The following ADCK1 variants were observed in gnomAD, a reference collection of about 807,000 sequenced individuals.
The protein encoded by ADCK1 is aarF domain-containing protein kinase 1.
A neutral mutation model predicts 52.3 loss-of-function variants in ADCK1; 41 were observed. The observed-to-expected ratio is 0.78, with a 90% confidence interval of 0.61 to 1.02. ADCK1 has a LOEUF of 1.02. Ranked by LOEUF, ADCK1 falls within the 50% of genes least tolerant of loss-of-function variation. The pLI is 0.00. For synonymous variants in ADCK1, 250 were observed against 274.6 expected (o/e 0.91, Z 0.89); for missense variants, 658 against 679.5 (o/e 0.97, Z 0.35).
chr14:77,872,386 G>A (rs544176635), intron 4 of ADCK1, among the ~76,000 whole-genome samples: 3 of 152,304 alleles, frequency 2.0e-5, no homozygotes, highest in African/African-American at 7.2e-5. Flanking sequence ...GAGGTTGGGC[G>A]GGGCCAGCAC....
intron 3 of ADCK1, among the ~76,000 whole-genome samples, chr14:77,824,809 A>T (rs1047736705): frequency 6.6e-6 from 1 of 152,308 alleles, no homozygotes; most frequent in South Asian, 2.1e-4. Context: ...ATTAAGGTTG[A>T]CATTTTCTAC....
At chr14:77,814,658 A>T (rs2081404496) in intron 1 of ADCK1, among the ~76,000 whole-genome samples, 1 of 135,310 alleles carries the variant, frequency 7.4e-6, no homozygotes, top group South Asian at 2.4e-4. Context: ...AGATTGTGCC[A>T]TTGCATTCCA....
At chr14:77,807,715 G>A (rs1255082659) in intron 1 of ADCK1, among the ~76,000 whole-genome samples, 1 of 151,686 alleles carries the variant, frequency 6.6e-6, no homozygotes, top group Non-Finnish European at 1.5e-5. Context: ...CTCCATGTTG[G>A]TCAGGCTGGT....
intron 1 of ADCK1, among the ~76,000 whole-genome samples, chr14:77,803,015 C>A (rs1332142515): frequency 6.6e-6 from 1 of 152,152 alleles, no homozygotes; most frequent in Non-Finnish European, 1.5e-5. Context: ...GGAGGGCAGA[C>A]TGTAAACCTG....
At chr14:77,852,652 AATAAATAAATAT>A (rs1317032677) in intron 3 of ADCK1, among the ~76,000 whole-genome samples, 1,117 of 32,500 alleles carry the variant, frequency 0.034, 26 homozygotes, top group Non-Finnish European at 0.041. Context: ...TATTTCTTTA[AATAAATAAATAT>A]ATATATATAT....
chr14:77,815,816 T>C (rs965891122), intron 1 of ADCK1, among the ~76,000 whole-genome samples: 5 of 98,788 alleles, frequency 5.1e-5, no homozygotes, highest in Admixed American at 1.9e-4. Context: ...CGCACCTGGC[T>C]TTTTTTTTTT....
chr14:77,904,768 G>T (rs1176269089), intron 6 of ADCK1, among the ~76,000 whole-genome samples: 1 of 152,198 alleles, frequency 6.6e-6, no homozygotes, highest in Non-Finnish European at 1.5e-5. Flanking sequence ...GTCAGGGTGT[G>T]ACCCTGCTGG....
At chr14:77,858,394 G>T (rs532307096) in intron 3 of ADCK1, among the ~76,000 whole-genome samples, 1 of 152,056 alleles carries the variant, frequency 6.6e-6, no homozygotes, top group East Asian at 1.9e-4. Flanking sequence ...CCGCCACCAT[G>T]CCTGGATAAT....
At chr14:77,852,649 TTAAATAAA>T (rs1258593104) in intron 3 of ADCK1, among the ~76,000 whole-genome samples, 750 of 41,032 alleles carry the variant, frequency 0.018, 16 homozygotes, top group Non-Finnish European at 0.025. Flanking sequence ...CATTATTTCT[TTAAATAAA>T]TAAATATATA....
intron 4 of ADCK1, among the ~76,000 whole-genome samples, chr14:77,866,799 G>T (rs927168862): frequency 1.3e-5 from 2 of 152,166 alleles, no homozygotes; most frequent in Non-Finnish European, 2.9e-5. Flanking sequence ...GTGGGGCCGG[G>T]TGTGGGCTAT....
At chr14:77,816,049 C>T (rs535565422) in intron 1 of ADCK1, among the ~76,000 whole-genome samples, 11 of 152,094 alleles carry the variant, frequency 7.2e-5, no homozygotes, top group South Asian at 6.2e-4. Flanking sequence ...TCAAGAGATC[C>T]GCCTGCCTGG....
intron 3 of ADCK1, among the ~76,000 whole-genome samples, chr14:77,850,897 C>T (rs142526615): frequency 0.055 from 8,304 of 151,858 alleles, 253 homozygotes; most frequent in African/African-American, 0.074. Flanking sequence ...CCTTGTGATC[C>T]GCCTGCCTTG....
At chr14:77,931,293 A>G (rs1566745536) in intron 9 of ADCK1, among the ~76,000 whole-genome samples, 1 of 152,196 alleles carries the variant, frequency 6.6e-6, no homozygotes, top group Non-Finnish European at 1.5e-5. Flanking sequence ...ACGCTTTCCT[A>G]GAAGTTTGGC....
chr14:77,923,243 G>C lies in ADCK1; in HGVS notation c.859-1214G>C, dbSNP rs543377879. ...GGCCAGGGAGGGCTTCTTCAGAGAG[G>C]TGATGCTGATCTGGGATGGGAAGGA... On this transcript the variant is annotated intron_variant, in intron 7 of 10. Coordinates refer to ENST00000238561, the MANE Select transcript of ADCK1 (RefSeq NM_020421.4). The surrounding 1 kb of genome is among the most constrained non-coding windows in gnomAD (Gnocchi z 4.3). 1 of 152,406 alleles carries C rather than the reference G, an allele frequency of 6.6e-6. No individual in the cohort carries two copies. The highest frequency in any genetic ancestry group is 6.5e-5 in the Admixed American group (1 of 15,308). 9.4% of individuals were successfully genotyped at this position (152,406 alleles called of 1,614,324 possible). A position where few individuals can be genotyped will look rare whatever the true frequency, so the allele number is the denominator to read the frequency against.
At chr14:77,816,070 G>A (rs1371518233) in intron 1 of ADCK1, among the ~76,000 whole-genome samples, 1 of 152,156 alleles carries the variant, frequency 6.6e-6, no homozygotes, top group Non-Finnish European at 1.5e-5. Flanking sequence ...TCCTCCCAGA[G>A]TGCTGGAATT....
At chr14:77,832,274 C>T (rs1456002451) in intron 3 of ADCK1, among the ~76,000 whole-genome samples, 1 of 152,224 alleles carries the variant, frequency 6.6e-6, no homozygotes, top group African/African-American at 2.4e-5. Flanking sequence ...TGAGCCACCG[C>T]ACCTGGCCAG....
chr14:77,908,990 T>G (rs988321765), intron 7 of ADCK1, among the ~76,000 whole-genome samples: 1 of 151,820 alleles, frequency 6.6e-6, no homozygotes, highest in African/African-American at 2.4e-5. Context: ...TTGGGGTGTG[T>G]GGGGAGATAA....
chr14:77,860,347 T>C (rs2082517028), intron 4 of ADCK1, among the ~76,000 whole-genome samples: 2 of 152,110 alleles, frequency 1.3e-5, no homozygotes, highest in African/African-American at 4.8e-5. Flanking sequence ...GAACTAGAAA[T>C]AGTGTTGTTA....
intron 3 of ADCK1, among the ~76,000 whole-genome samples, chr14:77,852,660 A>ATATATAT (rs2082310962): frequency 1.3e-3 from 42 of 31,638 alleles, no homozygotes; most frequent in African/African-American, 3.2e-3. Flanking sequence ...TAAATAAATA[A>ATATATAT]ATATATATAT....
Sources: allele counts gnomAD v4.1 joint callset (sites outside exome capture counted in the v4.1 genomes callset), GRCh38; gene constraint gnomAD v4.1.1; non-coding constraint Gnocchi (gnomAD v3.1); transcripts MANE v1.5; gene names NCBI Gene and HGNC (gene_info 2026-07-23, HGNC 2026-07-21).